Variants in AGK observed in about 807,000 individuals in gnomAD.
AGK encodes acylglycerol kinase, mitochondrial.
A neutral mutation model predicts 66.4 loss-of-function variants in AGK; 52 were observed. The ratio of observed to expected loss-of-function variants is 0.78; its 90% confidence interval spans 0.63 to 0.99. The LOEUF is 0.99. AGK is among the 50% of genes least tolerant of loss of function. The probability of loss-of-function intolerance (pLI) is 0.00; values close to 1 mark genes in which losing one functional copy is unlikely to be tolerated. For missense variants in AGK, 451 were observed against 506.6 expected (o/e 0.89, Z 1.05); for synonymous variants, 182 against 181.1 (o/e 1.00, Z -0.04).
intron 1 of AGK, among the ~76,000 whole-genome samples, chr7:141,551,808 G>T (rs1006487338): frequency 2.0e-5 from 3 of 152,176 alleles, no homozygotes; most frequent in Non-Finnish European, 4.4e-5. Context: ...ATCCATTGAT[G>T]GGTTGGTTGG....
intron 4 of AGK, among the ~76,000 whole-genome samples, chr7:141,597,923 A>G (rs1424843958): frequency 1.3e-5 from 2 of 150,396 alleles, no homozygotes; most frequent in African/African-American, 2.4e-5. Flanking sequence ...AAAAAAAGAA[A>G]GAAGAAAGAA....
chr7:141,570,729 T>TA (rs911062002), intron 2 of AGK, among the ~76,000 whole-genome samples: 46 of 150,486 alleles, frequency 3.1e-4, no homozygotes, highest in African/African-American at 9.2e-4. Flanking sequence ...GGAAGGGACC[T>TA]AAAAAAAAAT....
At chr7:141,626,525 A>T (rs1796941365) in intron 9 of AGK, among the ~76,000 whole-genome samples, 1 of 152,192 alleles carries the variant, frequency 6.6e-6, no homozygotes, top group Non-Finnish European at 1.5e-5. Context: ...CAAACTTAGC[A>T]TCATGAATAA....
intron 5 of AGK, among the ~76,000 whole-genome samples, chr7:141,608,620 G>A (rs778660907): frequency 6.6e-5 from 10 of 152,156 alleles, no homozygotes; most frequent in Admixed American, 1.3e-4. Flanking sequence ...CTAAGAAAAG[G>A]CTGAAGGGGG....
chr7:141,614,791 CAT>C (rs36088658), intron 7 of AGK, among the ~76,000 whole-genome samples: 55,278 of 151,836 alleles, frequency 0.36, 11,158 homozygotes, highest in East Asian at 0.53. Flanking sequence ...TTTCTTGAAA[CAT>C]ATGAAGCAAA....
chr7:141,631,579 A>C (rs1015913535), intron 9 of AGK, among the ~76,000 whole-genome samples: 10 of 152,132 alleles, frequency 6.6e-5, no homozygotes, highest in Non-Finnish European at 1.0e-4. Context: ...TATATCCAAA[A>C]TCAAGCATTT....
intron 7 of AGK, 63 bp from the exon 8 acceptor site, chr7:141,615,408 T>C: frequency 2.2e-6 from 3 of 1,362,866 alleles, no homozygotes; most frequent in Non-Finnish European, 3.1e-6. Flanking sequence ...ACACCTGTGC[T>C]TCTCCATTAA....
intron 14 of AGK, among the ~76,000 whole-genome samples, chr7:141,650,063 C>T (rs549458844): frequency 6.6e-6 from 1 of 152,340 alleles, no homozygotes; most frequent in African/African-American, 2.4e-5. Context: ...CTGCTCAGCT[C>T]CGCTTTTCTG....
At chr7:141,584,332 C>T (rs899150951) in intron 2 of AGK, among the ~76,000 whole-genome samples, 11 of 152,010 alleles carry the variant, frequency 7.2e-5, no homozygotes, top group Admixed American at 2.0e-4. Context: ...AGGCAGGGAC[C>T]GGCCATTTTC....
rs1236096247 is a variant in AGK, at chr7:141,598,630, AG to A, written c.221+1990del. ...TAGGCACTATTTCCATTTCATAATA[AG>A]CACACAATGTAAGAAATATAAACTG... On this transcript the variant is annotated intron_variant, in intron 4 of 15. Coordinates refer to ENST00000649286, the MANE Select transcript of AGK (RefSeq NM_018238.4). This position sits in a 1 kb window ranked among gnomAD's most constrained non-coding sequence, Gnocchi z 4.2. Among the ~76,000 whole-genome samples the A allele has an allele frequency of 2.6e-5, 4 of 152,222 alleles. No homozygotes were observed. The highest frequency in any genetic ancestry group is 5.9e-5 in the Non-Finnish European group (4 of 68,030).
chr7:141,645,432 A>G (rs897680954), intron 13 of AGK, among the ~76,000 whole-genome samples: 7 of 152,154 alleles, frequency 4.6e-5, no homozygotes, highest in African/African-American at 1.2e-4. Context: ...CTTTCTTTCA[A>G]TGAATTCTTT....
chr7:141,637,527 C>T (rs888478239), intron 11 of AGK, among the ~76,000 whole-genome samples: 3 of 152,054 alleles, frequency 2.0e-5, no homozygotes, highest in African/African-American at 7.2e-5. Context: ...TTGTTGGGCA[C>T]TGCTACTCTA....
chr7:141,639,007 T>G (rs2117008832), intron 11 of AGK, among the ~76,000 whole-genome samples: 1 of 152,002 alleles, frequency 6.6e-6, no homozygotes, highest in South Asian at 2.1e-4. Context: ...ACATAAACAT[T>G]TAAAGAACCA....
At chr7:141,615,126 C>T (rs1007054131) in intron 7 of AGK, among the ~76,000 whole-genome samples, 1 of 152,232 alleles carries the variant, frequency 6.6e-6, no homozygotes, top group African/African-American at 2.4e-5. Context: ...TTATCTGCAA[C>T]TTTATCAAAT....
intron 13 of AGK, 70 bp downstream of exon 13, chr7:141,641,978 C>A: frequency 7.9e-7 from 1 of 1,265,376 alleles, no homozygotes; most frequent in Non-Finnish European, 1.1e-6. Flanking sequence ...AGTCCTCTCC[C>A]ACTAATTCAG....
At chr7:141,607,830 G>A (rs968351068) in intron 5 of AGK, among the ~76,000 whole-genome samples, 4 of 151,630 alleles carry the variant, frequency 2.6e-5, no homozygotes, top group Admixed American at 6.6e-5. Context: ...TTCTGGGAGG[G>A]GGCAACTGTT....
intron 11 of AGK, among the ~76,000 whole-genome samples, chr7:141,640,276 C>T (rs1797260086): frequency 1.3e-5 from 2 of 151,968 alleles, no homozygotes; most frequent in African/African-American, 4.8e-5. Flanking sequence ...CAGAGACCAC[C>T]ACAAGAAGCT....
intron 6 of AGK, among the ~76,000 whole-genome samples, chr7:141,612,407 A>G (rs1009052513): frequency 1.3e-5 from 2 of 152,222 alleles, no homozygotes; most frequent in African/African-American, 4.8e-5. Flanking sequence ...TTTGTGTTAC[A>G]CACAAATTTG....
intron 13 of AGK, among the ~76,000 whole-genome samples, chr7:141,646,470 G>A (rs1014400961): frequency 3.9e-5 from 6 of 152,138 alleles, no homozygotes; most frequent in Non-Finnish European, 5.9e-5. Flanking sequence ...CTAGACTAAA[G>A]GCTGCCCTCT....
Sources: gnomAD v4.1 joint callset for allele counts (sites outside exome capture counted in the v4.1 genomes callset) on GRCh38, gnomAD v4.1.1 for gene constraint, Gnocchi (gnomAD v3.1) non-coding constraint, MANE v1.5 for transcripts, NCBI Gene and HGNC (gene_info 2026-07-23, HGNC 2026-07-21) for gene names.